The following CIMIP5 variants were observed in gnomAD, a reference collection of about 807,000 sequenced individuals.
CIMIP5 encodes ciliary microtubule inner protein 5.
the CIMIP5 span, among the ~76,000 whole-genome samples, chr2:11,135,654 TG>T: frequency 9.5e-3 from 980 of 103,490 alleles, 9 homozygotes; most frequent in African/African-American, 0.035. Flanking sequence ...TGGTTTTTTT[TG>T]GGGTTTTTTT....
chr2:11,137,273 T>G, the CIMIP5 span, among the ~76,000 whole-genome samples: 1 of 152,018 alleles, frequency 6.6e-6, no homozygotes, highest in East Asian at 1.9e-4. Context: ...CTCAGGAGGC[T>G]GACGCAGGGA....
chr2:11,133,279 A>T, the CIMIP5 span: 4 of 1,314,542 alleles, frequency 3.0e-6, no homozygotes, highest in East Asian at 9.8e-5. Flanking sequence ...GCTCAGGCAC[A>T]GGTCTCTCTC....
chr2:11,148,821 G>A, the CIMIP5 span, among the ~76,000 whole-genome samples: 7 of 136,440 alleles, frequency 5.1e-5, no homozygotes, highest in African/African-American at 1.7e-4. Context: ...TGCAACCTTC[G>A]CCTCCTGGGT....
chr2:11,134,388 T>TC, the CIMIP5 span, among the ~76,000 whole-genome samples: 1 of 152,138 alleles, frequency 6.6e-6, no homozygotes, highest in East Asian at 1.9e-4. Context: ...CATGGCATGA[T>TC]CTCGATTACA....
the CIMIP5 span, among the ~76,000 whole-genome samples, chr2:11,139,456 C>T: frequency 7.9e-5 from 12 of 152,114 alleles, no homozygotes; most frequent in Admixed American, 4.6e-4. Flanking sequence ...AGATTAGATT[C>T]AAATAAAACT....
At chr2:11,135,876 T>A in the CIMIP5 span, among the ~76,000 whole-genome samples, 22 of 152,286 alleles carry the variant, frequency 1.4e-4, no homozygotes, top group African/African-American at 5.1e-4. Context: ...TCTCTGATGA[T>A]GAGTGACATT....
chr2:11,148,618 A>G, the CIMIP5 span, among the ~76,000 whole-genome samples: 3 of 139,760 alleles, frequency 2.1e-5, no homozygotes, highest in Non-Finnish European at 4.4e-5. Flanking sequence ...GCCCATGCCC[A>G]CCCCCAGCCA....
chr2:11,139,116 C>A, the CIMIP5 span, among the ~76,000 whole-genome samples: 1 of 152,044 alleles, frequency 6.6e-6, no homozygotes, highest in Non-Finnish European at 1.5e-5. Flanking sequence ...CAGGGTTTCA[C>A]CATGTTGGCC....
At chr2:11,133,274 G>A in the CIMIP5 span, 3 of 1,475,360 alleles carry the variant, frequency 2.0e-6, no homozygotes, top group East Asian at 7.3e-5. Context: ...GCTGAGCTCA[G>A]GCACAGGTCT....
chr2:11,138,919 A>T, the CIMIP5 span, among the ~76,000 whole-genome samples: 2 of 151,242 alleles, frequency 1.3e-5, no homozygotes, highest in East Asian at 3.9e-4. Context: ...TTTTATTTTT[A>T]TTTATTTTTA....
At chr2:11,140,332 G>A in the CIMIP5 span, among the ~76,000 whole-genome samples, 552 of 147,224 alleles carry the variant, frequency 3.7e-3, 3 homozygotes, top group African/African-American at 0.014. Context: ...CCAAGATTGC[G>A]CCACGGCACT....
the CIMIP5 span, among the ~76,000 whole-genome samples, chr2:11,147,568 G>A: frequency 6.6e-6 from 1 of 152,194 alleles, no homozygotes; most frequent in Non-Finnish European, 1.5e-5. Context: ...TTCAGGTTAG[G>A]TTCAAGTTTT....
At chr2:11,145,690 G>A in the CIMIP5 span, 1 of 152,230 alleles carries the variant, frequency 6.6e-6, no homozygotes, top group East Asian at 1.9e-4. Flanking sequence ...AGACACTCCA[G>A]GTATTGGCTT....
chr2:11,146,816 A>C, the CIMIP5 span: 1 of 152,284 alleles, frequency 6.6e-6, no homozygotes, highest in Non-Finnish European at 1.5e-5. Context: ...GCATCCCATG[A>C]AGGTCAAGTG....
the CIMIP5 span, chr2:11,143,873 C>T: frequency 2.0e-6 from 3 of 1,463,786 alleles, no homozygotes; most frequent in Admixed American, 6.9e-5. Context: ...TTCTAAGGTC[C>T]TCCTTTTTCC....
chr2:11,139,703 G>A, the CIMIP5 span, among the ~76,000 whole-genome samples: 1 of 152,204 alleles, frequency 6.6e-6, no homozygotes, highest in Non-Finnish European at 1.5e-5. Flanking sequence ...GTCGTTCTAG[G>A]AAAAGTCATT....
At chr2:11,139,361 T>C in the CIMIP5 span, among the ~76,000 whole-genome samples, 3 of 152,202 alleles carry the variant, frequency 2.0e-5, no homozygotes, top group African/African-American at 4.8e-5. Context: ...AAGGTTTGAC[T>C]CTAGGATGTG....
the CIMIP5 span, among the ~76,000 whole-genome samples, chr2:11,150,660 TG>T: frequency 6.7e-6 from 1 of 150,240 alleles, no homozygotes; most frequent in Non-Finnish European, 1.5e-5. Context: ...TTAATGAAGG[TG>T]GGGGAATGGC....
At chr2:11,136,495 C>T in the CIMIP5 span, among the ~76,000 whole-genome samples, 1 of 152,100 alleles carries the variant, frequency 6.6e-6, no homozygotes, top group African/African-American at 2.4e-5. Context: ...AATGCCTGAA[C>T]CACGTCTAGA....
Sources: allele counts gnomAD v4.1 joint callset (sites outside exome capture counted in the v4.1 genomes callset), GRCh38; gene constraint gnomAD v4.1.1; transcripts MANE v1.5; gene names NCBI Gene and HGNC (gene_info 2026-07-23, HGNC 2026-07-21).